The following RAPGEF2 variants were observed in gnomAD, a reference collection of about 807,000 sequenced individuals.
RAPGEF2 encodes PDZ domain containing guanine nucleotide exchange factor (GEF) 1.
RAPGEF2 carries 54 observed loss-of-function variants against 186.7 expected under a neutral mutation model. The ratio of observed to expected loss-of-function variants is 0.29; its 90% CI spans 0.23 to 0.36. The LOEUF (loss-of-function observed/expected upper bound fraction) is 0.36, where lower values mean the gene tolerates loss of function less well. Among genes scored for constraint, RAPGEF2 ranks in the 10% least tolerant of loss-of-function variants. The probability of loss-of-function intolerance (pLI) is 1.00; values close to 1 mark genes in which losing one functional copy is unlikely to be tolerated. For missense variants in RAPGEF2, 1,532 were observed against 2,045.0 expected (o/e 0.75, Z 4.84); for synonymous variants, 712 against 705.9 (o/e 1.01, Z -0.14).
chr4:159,228,457 G>T (rs1279487678), intron 4 of RAPGEF2: 2 of 152,128 alleles, frequency 1.3e-5, no homozygotes, highest in Admixed American at 1.3e-4. Flanking sequence ...ATGAACGGGG[G>T]AATAGCACAG....
At chr4:159,155,543 C>G (rs1302665598) in intron 1 of RAPGEF2, among the ~76,000 whole-genome samples, 4 of 152,024 alleles carry the variant, frequency 2.6e-5, no homozygotes, top group Non-Finnish European at 5.9e-5. Flanking sequence ...AGATGTTTCT[C>G]TAGTGGGACC....
chr4:159,289,444 C>T (rs1760915473), intron 7 of RAPGEF2, among the ~76,000 whole-genome samples: 1 of 152,082 alleles, frequency 6.6e-6, no homozygotes, highest in African/African-American at 2.4e-5. Context: ...TAGTTTTATT[C>T]TGGTGATCTT....
chr4:159,107,161 C>A (rs565653339), intron 1 of RAPGEF2, among the ~76,000 whole-genome samples: 48 of 152,254 alleles, frequency 3.2e-4, no homozygotes, highest in Middle Eastern at 3.4e-3. Flanking sequence ...AAATAACAAA[C>A]TTCCTTGAAA....
intron 4 of RAPGEF2, among the ~76,000 whole-genome samples, chr4:159,214,787 G>GT: frequency 6.6e-6 from 1 of 152,258 alleles, no homozygotes; most frequent in South Asian, 2.1e-4. Flanking sequence ...AACTCATTGA[G>GT]TTAGAGTCTT....
intron 1 of RAPGEF2, among the ~76,000 whole-genome samples, chr4:159,124,412 G>A (rs1226866018): frequency 1.3e-5 from 2 of 151,850 alleles, no homozygotes; most frequent in Non-Finnish European, 2.9e-5. Flanking sequence ...GGTGGCACGC[G>A]CCTGTAGTCC....
intron 7 of RAPGEF2, among the ~76,000 whole-genome samples, chr4:159,265,023 C>G (rs761244010): frequency 6.6e-6 from 1 of 152,196 alleles, no homozygotes; most frequent in African/African-American, 2.4e-5. Context: ...TGGGTTGCTT[C>G]TACCGTTTGG....
chr4:159,207,716 G>A (rs1750127401), intron 3 of RAPGEF2, among the ~76,000 whole-genome samples: 1 of 152,092 alleles, frequency 6.6e-6, no homozygotes, highest in South Asian at 2.1e-4. Context: ...AACGTTTTTT[G>A]TGATAAATGG....
intron 24 of RAPGEF2, among the ~76,000 whole-genome samples, chr4:159,345,652 G>A (rs1050166001): frequency 3.3e-5 from 5 of 152,122 alleles, no homozygotes; most frequent in South Asian, 2.1e-4. Context: ...CATGTCTTAC[G>A]TTCTCACAAA....
chr4:159,266,580 A>T (rs1445812801), intron 7 of RAPGEF2, among the ~76,000 whole-genome samples: 2 of 150,786 alleles, frequency 1.3e-5, no homozygotes, highest in Non-Finnish European at 1.5e-5. Context: ...TGGTTTTTTA[A>T]AAAAAAAACC....
At chr4:159,230,391 A>G (rs912945130) in intron 4 of RAPGEF2, among the ~76,000 whole-genome samples, 2 of 152,236 alleles carry the variant, frequency 1.3e-5, no homozygotes, top group Non-Finnish European at 2.9e-5. Flanking sequence ...ATACAAATAC[A>G]CATATACACA....
chr4:159,239,961 C>A (rs984508017), intron 5 of RAPGEF2, among the ~76,000 whole-genome samples: 2 of 152,048 alleles, frequency 1.3e-5, no homozygotes, highest in African/African-American at 4.8e-5. Context: ...TCAAAGCTAG[C>A]GAACTTTTTG....
intron 1 of RAPGEF2, among the ~76,000 whole-genome samples, chr4:159,169,429 A>G (rs997099152): frequency 6.6e-6 from 1 of 152,184 alleles, no homozygotes; most frequent in African/African-American, 2.4e-5. Context: ...TATTACCTCA[A>G]CTTATTTTTT....
chr4:159,182,883 A>G (rs1348301980), intron 1 of RAPGEF2, among the ~76,000 whole-genome samples: 1 of 152,194 alleles, frequency 6.6e-6, no homozygotes, highest in Non-Finnish European at 1.5e-5. Flanking sequence ...TGGTCTGTAC[A>G]CTGAAAAGAC....
chr4:159,172,991 A>C (rs1746072065), intron 1 of RAPGEF2, among the ~76,000 whole-genome samples: 1 of 152,142 alleles, frequency 6.6e-6, no homozygotes, highest in Non-Finnish European at 1.5e-5. Context: ...ATCAATTTTG[A>C]ACAGACCTAA....
intron 29 of RAPGEF2, among the ~76,000 whole-genome samples, chr4:159,357,433 G>A (rs13131141): frequency 0.34 from 51,097 of 152,130 alleles, 10,207 homozygotes; most frequent in Non-Finnish European, 0.46. Context: ...ATAACTCTTT[G>A]TGCGTTCTTT....
chr4:159,204,108 T>G (rs1213590884), intron 3 of RAPGEF2, among the ~76,000 whole-genome samples: 1 of 152,230 alleles, frequency 6.6e-6, no homozygotes. Context: ...CTGAAATGTT[T>G]CCCAGCTTCT....
intron 1 of RAPGEF2, among the ~76,000 whole-genome samples, chr4:159,171,429 T>A (rs1004429714): frequency 6.6e-6 from 1 of 152,166 alleles, no homozygotes. Context: ...GTTGAGTGAC[T>A]TGTTCAGGGA....
In RAPGEF2 at chr4:159,322,813, G is replaced by T. The variant is rs983549934; in HGVS notation, c.990+330G>T. 6.6e-5 allele frequency among the ~76,000 whole-genome samples: 10 copies of T among 152,120 alleles called. No homozygotes were observed. The South Asian group carries it at 1.2e-3, about 19-fold the overall frequency. Reference sequence around the variant, plus strand: ...GAAAAATGAGGAAGATACAAAAGCAGAGACCCCTGATAAAACCATCAGATC... The same window carrying T: ...GAAAAATGAGGAAGATACAAAAGCATAGACCCCTGATAAAACCATCAGATC... On this transcript the variant is annotated intron_variant, in intron 10 of 29. Transcript: ENST00000691494.
chr4:159,161,573 A>C (rs1032564688), intron 1 of RAPGEF2, among the ~76,000 whole-genome samples: 1 of 152,058 alleles, frequency 6.6e-6, no homozygotes, highest in Non-Finnish European at 1.5e-5. Flanking sequence ...GTGTGGTGAC[A>C]CTTGCCTGTA....
Sources: allele counts gnomAD v4.1 joint callset (sites outside exome capture counted in the v4.1 genomes callset), GRCh38; gene constraint gnomAD v4.1.1; transcripts MANE v1.5; gene names NCBI Gene and HGNC (gene_info 2026-07-23, HGNC 2026-07-21).